The following CARF variants were observed in gnomAD, a reference collection of about 807,000 sequenced individuals.
CARF encodes calcium-responsive transcription factor.
A neutral mutation model predicts 82.0 loss-of-function variants in CARF; 57 were observed. The ratio of observed to expected loss-of-function variants is 0.70; its 90% CI spans 0.56 to 0.87. The LOEUF is 0.87. Ranked by LOEUF, CARF falls within the 40% of genes least tolerant of loss-of-function variation. The pLI is 0.00. For missense variants in CARF, 771 were observed against 855.8 expected (o/e 0.90, Z 1.24); for synonymous variants, 268 against 290.1 (o/e 0.92, Z 0.77).
intron 13 of CARF, among the ~76,000 whole-genome samples, chr2:202,976,470 G>A (rs532578683): frequency 3.9e-4 from 60 of 151,912 alleles, no homozygotes; most frequent in African/African-American, 1.4e-3. Flanking sequence ...CACCACACCC[G>A]ACCTTAACTC....
chr2:202,966,313 A>C (rs977642875), intron 9 of CARF, among the ~76,000 whole-genome samples: 1 of 152,236 alleles, frequency 6.6e-6, no homozygotes, highest in Non-Finnish European at 1.5e-5. Context: ...TAACAGCCCA[A>C]ATAAAAACAA....
At chr2:202,924,979 C>T (rs1691525038) in intron 3 of CARF, 1 of 346,196 alleles carries the variant, frequency 2.9e-6, no homozygotes, top group Non-Finnish European at 5.6e-6. Context: ...CTTCCTGGAG[C>T]AGCAGAACAA....
intron 10 of CARF, among the ~76,000 whole-genome samples, chr2:202,968,440 G>T (rs1185609939): frequency 6.6e-6 from 1 of 151,956 alleles, no homozygotes; most frequent in Non-Finnish European, 1.5e-5. Flanking sequence ...GCATTCTCAA[G>T]AAGTTTTTAA....
chr2:202,917,200 G>A (rs1284236320), intron 1 of CARF, among the ~76,000 whole-genome samples: 1 of 86,660 alleles, frequency 1.2e-5, no homozygotes, highest in African/African-American at 4.4e-5. Context: ...GACAGAGCGA[G>A]ACTCCGTCTC....
chr2:202,937,436 TATA>T (rs893777452), intron 3 of CARF, among the ~76,000 whole-genome samples: 2 of 151,846 alleles, frequency 1.3e-5, no homozygotes, highest in African/African-American at 2.4e-5. Context: ...TTTTTTCTGC[TATA>T]ATATTTGTTT....
intron 14 of CARF, among the ~76,000 whole-genome samples, chr2:202,979,376 C>T (rs1178757534): frequency 6.6e-6 from 1 of 152,076 alleles, no homozygotes; most frequent in Non-Finnish European, 1.5e-5. Context: ...TGGGTGACTA[C>T]AGCAGTGAAG....
chr2:202,916,488 T>C (rs1388081110), intron 1 of CARF, among the ~76,000 whole-genome samples: 1 of 152,102 alleles, frequency 6.6e-6, no homozygotes, highest in South Asian at 2.1e-4. Flanking sequence ...CGCCGAGCAA[T>C]ACTTTTTAAT....
rs749372897 is a variant in CARF at position 202,977,323 on chromosome 2, T to A, written c.1549T>A (p.Phe517Ile). Reference protein sequence around the residue: ...NILKETMTVTFAEGNSPGESI... With the variant: ...NILKETMTVTIAEGNSPGESI... ...TCTCAAAGAGACCATGACAGTTACA[T>A]TTGCAGAAGGTAGGTTTTCTTGAAT... The change falls in exon 14 of 17, where the codon TTT (phenylalanine) becomes ATT (isoleucine). Residue 517 changes from phenylalanine (F) to isoleucine (I), a missense_variant. Physicochemically the swap from Phe to Ile is conservative, Grantham distance 21. Coordinates refer to ENST00000438828, the MANE Select transcript of CARF (RefSeq NM_024744.17). 6.2e-7 allele frequency: 1 copy of A among 1,611,586 alleles called. No homozygotes were observed. The highest frequency in any genetic ancestry group is 1.3e-5 in the African/African-American group (1 of 74,876).
At position 202,955,664 on chromosome 2, in the gene CARF, C is replaced by T. The variant is rs367868462; in HGVS notation, c.558-10C>T. ...ACTGCATATTTATATATATTCCTCTCCTATCCCAGAATGCTGGAAGAACCC... is the reference window on the plus strand; with the variant it reads ...ACTGCATATTTATATATATTCCTCTTCTATCCCAGAATGCTGGAAGAACCC... On this transcript the variant is annotated splice_polypyrimidine_tract_variant and intron_variant, in intron 7 of 16. Coordinates refer to ENST00000438828, the MANE Select transcript of CARF (RefSeq NM_024744.17). 3 of 1,596,758 alleles carry T rather than the reference C, an allele frequency of 1.9e-6. No homozygotes were observed. The highest frequency in any genetic ancestry group is 2.6e-6 in the Non-Finnish European group (3 of 1,170,128).
intron 3 of CARF, among the ~76,000 whole-genome samples, chr2:202,932,540 G>A (rs1362315554): frequency 6.6e-6 from 1 of 152,092 alleles, no homozygotes; most frequent in Non-Finnish European, 1.5e-5. Context: ...GGGAACATGA[G>A]CCAATAGGGC....
chr2:202,954,133 G>C lies in CARF; in HGVS notation c.556G>C (p.Gly186Arg). 6.2e-7 allele frequency: 1 copy of C among 1,611,006 alleles called. No homozygotes were observed. The highest frequency in any genetic ancestry group is 8.5e-7 in the Non-Finnish European group (1 of 1,178,860). ...SFPLPKKSVT[G>R]MLEEPLLGPL... ...CCCATTGCCCAAAAAGTCAGTGACCGGGTGAGTCCACGGGAAAGAGAAGCT... is the reference window on the plus strand; with the variant it reads ...CCCATTGCCCAAAAAGTCAGTGACCCGGTGAGTCCACGGGAAAGAGAAGCT... The change falls in exon 7 of 17, where the codon GGA (glycine) becomes CGA (arginine). Residue 186 changes from glycine to arginine, a missense_variant and splice_region_variant. Coordinates refer to ENST00000438828, the MANE Select transcript of CARF (RefSeq NM_024744.17).
rs1375990325 is a variant in CARF, at chr2:202,952,618, G to A, written c.366G>A (p.Gln122=). The A allele has an allele frequency of 1.2e-6, 2 of 1,613,464 alleles. No individual in the cohort carries two copies. Among genetic ancestry groups the A allele is most frequent in the South Asian group, 2.2e-5 (2 of 91,060 alleles). The part of the protein sequence containing the change: ...GQVLRVIPPT[Q]TGMAQVIIPQ... ...TACTTCGTGTAATTCCACCTACCCA[G>A]ACAGGAATGGCACAAGTGATTATAC... is the stretch of plus-strand genomic sequence containing the variant. Residue 122 remains glutamine, a synonymous_variant, in exon 6 of 17, where the codon CAG becomes CAA. Coordinates refer to ENST00000438828, the MANE Select transcript of CARF (RefSeq NM_024744.17).
At chr2:202,947,299 A>C (rs534989336) in intron 5 of CARF, among the ~76,000 whole-genome samples, 1 of 152,308 alleles carries the variant, frequency 6.6e-6, no homozygotes, top group South Asian at 2.1e-4. Flanking sequence ...TGTAGCCATA[A>C]AAAAGAATGA....
intron 3 of CARF, among the ~76,000 whole-genome samples, chr2:202,937,597 T>A (rs1328708976): frequency 2.0e-5 from 3 of 152,094 alleles, no homozygotes; most frequent in Non-Finnish European, 1.5e-5. Context: ...ATGGCATGAC[T>A]TAACTGTTCC....
At chr2:202,964,071 G>A (rs1457568206) in intron 9 of CARF, among the ~76,000 whole-genome samples, 1 of 148,956 alleles carries the variant, frequency 6.7e-6, no homozygotes, top group East Asian at 1.9e-4. Flanking sequence ...AACAAATAAA[G>A]ACTATAACCT....
Position 202,974,272 on chromosome 2 carries a change from T to C in CARF, c.1332-62T>C, listed in dbSNP as rs568679876. 7.5e-5 allele frequency: 91 copies of C among 1,215,972 alleles called. No individual in the cohort carries two copies. In the South Asian group the frequency reaches 1.4e-3, roughly 19 times the overall value. 75.3% of individuals were successfully genotyped at this position (1,215,972 alleles called of 1,614,324 possible). On this transcript the variant is annotated intron_variant, in intron 12 of 16. Coordinates refer to ENST00000438828, the MANE Select transcript of CARF (RefSeq NM_024744.17). ...ATACTGAAAGAGAACCTTTCTGTCT[T>C]TTGATCTAAAGGCATATTGCTAAAT...
rs2060444343 is a variant in CARF at position 202,986,868 on chromosome 2, G to GTATATATATATATATATACATATA, written c.*3262_*3263insCATATATATATATATATATATATA. The GTATATATATATATATATACATATA allele has an allele frequency of 3.4e-5, 1 of 29,638 alleles. No homozygotes were observed. The highest frequency in any genetic ancestry group is 7.7e-5 in the African/African-American group (1 of 13,012). The allele number at this position is 29,638 out of a possible 1,614,324, so 1.8% of individuals were successfully genotyped here. A position where few individuals can be genotyped will look rare whatever the true frequency, so the allele number is the denominator to read the frequency against. On this transcript the variant is annotated 3_prime_UTR_variant, in exon 17 of 17. Transcript: ENST00000438828. Reference sequence around the variant, plus strand: ...AAAGAGGTTTAAAAAATGTCTGTGCGTATATATATATATATATATATATAT... The same window carrying GTATATATATATATATATACATATA: ...AAAGAGGTTTAAAAAATGTCTGTGCGTATATATATATATATATACATATATATATATATATATATATATATATAT...
chr2:202,921,070 C>T (rs760873197), intron 2 of CARF, among the ~76,000 whole-genome samples: 3 of 152,140 alleles, frequency 2.0e-5, no homozygotes, highest in South Asian at 2.1e-4. Context: ...GGTGCAATCT[C>T]GGCTCACTGC....
intron 1 of CARF, among the ~76,000 whole-genome samples, chr2:202,916,162 TTTTA>T (rs151050381): frequency 0.75 from 109,282 of 146,504 alleles, 41,932 homozygotes; most frequent in South Asian, 0.9. Flanking sequence ...TTGAGCAATA[TTTTA>T]TTTATTTATT....
Sources: gnomAD v4.1 joint callset for allele counts (sites outside exome capture counted in the v4.1 genomes callset) on GRCh38, gnomAD v4.1.1 for gene constraint, MANE v1.5 for transcripts, NCBI Gene and HGNC (gene_info 2026-07-23, HGNC 2026-07-21) for gene names.